Variants in ANKRD7 observed in about 807,000 individuals in gnomAD.
ANKRD7 encodes ankyrin repeat domain-containing protein 7.
In ANKRD7, 30 loss-of-function variants were observed where a neutral mutation model predicts 30.8. That is an observed-to-expected ratio of 0.97 (90% CI 0.73 to 1.32). The LOEUF (loss-of-function observed/expected upper bound fraction) is 1.32, where lower values mean the gene tolerates loss of function less well. ANKRD7 is among the 40% of genes most tolerant of loss of function. ANKRD7 has a pLI of 0.00. For missense variants in ANKRD7, 264 were observed against 295.7 expected, an observed-to-expected ratio of 0.89 and a Z score of 0.79; for synonymous variants, 97 against 106.6, an observed-to-expected ratio of 0.91 and a Z score of 0.55.
At chr7:118,239,624 A>G (rs1230835006) in intron 5 of ANKRD7, among the ~76,000 whole-genome samples, 1 of 152,210 alleles carries the variant, frequency 6.6e-6, no homozygotes, top group Non-Finnish European at 1.5e-5. Flanking sequence ...CACCTCTAGC[A>G]AATGAATACA....
chr7:118,233,606 G>A (rs1435120309), intron 1 of ANKRD7, among the ~76,000 whole-genome samples: 1 of 151,976 alleles, frequency 6.6e-6, no homozygotes, highest in African/African-American at 2.4e-5. Context: ...GTCAATAGCA[G>A]GTTTATTTAG....
intron 1 of ANKRD7, among the ~76,000 whole-genome samples, chr7:118,234,200 G>A (rs550840236): frequency 7.2e-5 from 11 of 152,026 alleles, no homozygotes; most frequent in Non-Finnish European, 1.5e-4. Flanking sequence ...TCTCATTATA[G>A]TTAAATTTTC....
At chr7:118,236,688 T>C (rs1403137019) in intron 4 of ANKRD7, 102 bp from the exon 5 acceptor site, 5 of 1,233,466 alleles carry the variant, frequency 4.1e-6, no homozygotes, top group African/African-American at 1.5e-5. Context: ...CTCTTTCTGA[T>C]AGAGGCCCTA....
chr7:118,242,611 T>C lies in ANKRD7; in HGVS notation c.*300T>C, dbSNP rs1269892907. Reference sequence around the variant, plus strand: ...GCAGAAAAAAATTTGTGTCAAAATGTTGAATGGAATAATAATGAGGAAACT... The same window carrying C: ...GCAGAAAAAAATTTGTGTCAAAATGCTGAATGGAATAATAATGAGGAAACT... On this transcript the variant is annotated 3_prime_UTR_variant, in exon 7 of 7. Transcript: ENST00000265224. 1.3e-5 allele frequency: 2 copies of C among 152,104 alleles called. No individual in the cohort carries two copies. The highest frequency in any genetic ancestry group is 2.9e-5 in the Non-Finnish European group (2 of 68,000). The allele number at this position is 152,104 out of a possible 1,614,324, so 9.4% of individuals were successfully genotyped here.
rs60703234 is a variant in ANKRD7 at position 118,241,160 on chromosome 7, C to CAAAA, written c.*38-1166_*38-1163dup. ...TGGGCGACAGAGCGAGACTCCGTCT[C>CAAAA]AAAAAAAAAAAAAAAAAAAAAAAAA... is the stretch of plus-strand genomic sequence containing the variant. On this transcript the variant is annotated intron_variant, in intron 6 of 6. Transcript: ENST00000265224. 6.6e-3 allele frequency among the ~76,000 whole-genome samples: 145 copies of CAAAA among 21,826 alleles called. 6 individuals are homozygous for CAAAA. Among genetic ancestry groups the CAAAA allele is most frequent in the Middle Eastern group, 0.026 (1 of 38 alleles). 14.3% of individuals were successfully genotyped at this position (21,826 alleles called of 152,430 possible).
intron 1 of ANKRD7, among the ~76,000 whole-genome samples, chr7:118,232,445 T>C (rs1809658082): frequency 6.6e-6 from 1 of 152,114 alleles, no homozygotes; most frequent in South Asian, 2.1e-4. Flanking sequence ...AGATTAGTTC[T>C]TGTTTTCAGA....
At position 118,241,521 on chromosome 7, in the gene ANKRD7, C is replaced by CTTTTTTTTTTTTTTTTTT. The variant is rs3061682; in HGVS notation, c.*38-817_*38-800dup. 2.5e-4 allele frequency among the ~76,000 whole-genome samples: 21 copies of CTTTTTTTTTTTTTTTTTT among 84,554 alleles called. 1 individual carries two copies. The highest frequency in any genetic ancestry group is 3.6e-4 in the African/African-American group (8 of 22,326). 55.5% of individuals were successfully genotyped at this position (84,554 alleles called of 152,430 possible). ...TTAGGGGAGAATTTCTCTGAATTACCTTTTTTTTTTTTTTTTTTTTTTTTT... is the reference window on the plus strand; with the variant it reads ...TTAGGGGAGAATTTCTCTGAATTACCTTTTTTTTTTTTTTTTTTTTTTTTTTTTTTTTTTTTTTTTTTT... On this transcript the variant is annotated intron_variant, in intron 6 of 6. Coordinates refer to ENST00000265224, the MANE Select transcript of ANKRD7 (RefSeq NM_019644.4).
intron 6 of ANKRD7, among the ~76,000 whole-genome samples, chr7:118,240,372 C>T (rs907932686): frequency 1.3e-5 from 2 of 151,742 alleles, no homozygotes; most frequent in Non-Finnish European, 2.9e-5. Flanking sequence ...TCCATGTGAT[C>T]TCATTGTTCA....
chr7:118,235,684 C>G (rs1205406698), intron 3 of ANKRD7, among the ~76,000 whole-genome samples: 1 of 151,214 alleles, frequency 6.6e-6, no homozygotes, highest in East Asian at 1.9e-4. Context: ...TAAGTGCCAG[C>G]CTTGGAAGTT....
At chr7:118,235,947 A>C (rs1193241579) in intron 3 of ANKRD7, 94 bp from the exon 4 acceptor site, 4 of 608,152 alleles carry the variant, frequency 6.6e-6, no homozygotes, top group Non-Finnish European at 8.7e-6. Flanking sequence ...TATATTCAGA[A>C]GTTCTTATGC....
intron 5 of ANKRD7, among the ~76,000 whole-genome samples, chr7:118,239,344 G>C (rs367579616): frequency 1.1e-4 from 17 of 152,154 alleles, no homozygotes; most frequent in East Asian, 3.9e-4. Context: ...ATGATATCAG[G>C]TGGAACAGTT....
intron 1 of ANKRD7, among the ~76,000 whole-genome samples, chr7:118,233,276 G>A (rs1809669931): frequency 1.3e-5 from 2 of 151,896 alleles, no homozygotes; most frequent in Non-Finnish European, 2.9e-5. Flanking sequence ...ATAACTTCTG[G>A]TTTTATTCTG....
intron 1 of ANKRD7, among the ~76,000 whole-genome samples, chr7:118,227,364 A>G (rs1377663052): frequency 6.6e-6 from 1 of 152,204 alleles, no homozygotes; most frequent in South Asian, 2.1e-4. Flanking sequence ...TAAAGCTGGG[A>G]GGTAGTGGGT....
chr7:118,234,394 C>T (rs1809691476), intron 1 of ANKRD7, 37 bp from the exon 2 acceptor site: 1 of 1,422,574 alleles, frequency 7.0e-7, no homozygotes, highest in Non-Finnish European at 9.6e-7. Flanking sequence ...CAAACGAAGA[C>T]TTATCTCTAA....
At chr7:118,238,118 A>G (rs1185600345) in intron 5 of ANKRD7, among the ~76,000 whole-genome samples, 2 of 152,194 alleles carry the variant, frequency 1.3e-5, no homozygotes, top group African/African-American at 4.8e-5. Flanking sequence ...ATTATTGGAT[A>G]GTTTGATGAG....
rs758598629 is a variant in ANKRD7 at position 118,227,961 on chromosome 7, C to A, written c.179+2952C>A. On this transcript the variant is annotated intron_variant, in intron 1 of 6. Transcript: ENST00000265224. ...GTCCAATCTTCTAGATGGCTTTTATCCTACACCACTCCGCTGAATGACTTT... is the reference window on the plus strand; with the variant it reads ...GTCCAATCTTCTAGATGGCTTTTATACTACACCACTCCGCTGAATGACTTT... 4 of 1,334,032 alleles carry A rather than the reference C, an allele frequency of 3.0e-6. No homozygotes were observed. In the South Asian group the frequency reaches 3.5e-5, roughly 12 times the overall value. 82.6% of individuals were successfully genotyped at this position (1,334,032 alleles called of 1,614,324 possible).
chr7:118,227,809 T>C (rs1584721107), intron 1 of ANKRD7: 1 of 1,152,532 alleles, frequency 8.7e-7, no homozygotes, highest in Non-Finnish European at 1.1e-6. Context: ...TTTCAAGTCA[T>C]AGGGTATGAA....
At position 118,225,843 on chromosome 7, in the gene ANKRD7, A is replaced by G. The variant is rs182576235; in HGVS notation, c.179+834A>G. On this transcript the variant is annotated intron_variant, in intron 1 of 6. Transcript: ENST00000265224. ...CTCCCTTCATTGCTACCCATTACTT[A>G]TCACCAATTTTCTTAAATCTGATTC... 4.6e-5 allele frequency among the ~76,000 whole-genome samples: 7 copies of G among 152,314 alleles called. No homozygotes were observed. In the East Asian group the frequency reaches 1.4e-3, roughly 29 times the overall value.
intron 6 of ANKRD7, among the ~76,000 whole-genome samples, chr7:118,241,514 G>GAGAGA (rs1809843172): frequency 1.1e-5 from 1 of 92,442 alleles, no homozygotes; most frequent in Non-Finnish European, 2.4e-5. Flanking sequence ...GAATTTCTCT[G>GAGAGA]AATTACCTTT....
Sources: allele counts gnomAD v4.1 joint callset (sites outside exome capture counted in the v4.1 genomes callset), GRCh38; gene constraint gnomAD v4.1.1; transcripts MANE v1.5; gene names NCBI Gene and HGNC (gene_info 2026-07-23, HGNC 2026-07-21).